The following NAT10 variants were observed in gnomAD, a reference collection of about 807,000 sequenced individuals.
NAT10 encodes RNA cytidine acetyltransferase.
In NAT10, 109 loss-of-function variants were observed where a neutral mutation model predicts 132.2. The ratio of observed to expected loss-of-function variants is 0.82; its 90% CI spans 0.71 to 0.97. NAT10 has a LOEUF of 0.97. Ranked by LOEUF, NAT10 falls within the 50% of genes least tolerant of loss-of-function variation. NAT10 has a pLI of 0.00. For synonymous variants in NAT10, 479 were observed against 478.0 expected (o/e 1.00, Z -0.03); for missense variants, 1,184 against 1,263.4 (o/e 0.94, Z 0.95).
chr11:34,112,205 C>A lies in NAT10; in HGVS notation c.354C>A (p.Phe118Leu). The change falls in exon 4 of 29, where the codon TTC (phenylalanine) becomes TTA (leucine). Residue 118 changes from phenylalanine to leucine, a missense_variant. By Grantham distance (22) the Phe-to-Leu change is conservative. Coordinates refer to ENST00000257829, the MANE Select transcript of NAT10 (RefSeq NM_024662.3). The part of the protein sequence containing the change: ...NETHKILGNT[F>L]GMCVLQDFEA... ...CCCACAAGATCCTGGGCAATACCTT[C>A]GGCATGTGTGTGCTGCAGGTGGGTG... 1 of 1,614,232 alleles carries A rather than the reference C, an allele frequency of 6.2e-7. No homozygotes were observed. Among genetic ancestry groups the A allele is most frequent in the Non-Finnish European group, 8.5e-7 (1 of 1,180,036 alleles).
At chr11:34,141,249 T>C (rs1852323146) in intron 25 of NAT10, 41 bp downstream of exon 25, 1 of 1,611,878 alleles carries the variant, frequency 6.2e-7, no homozygotes, top group Non-Finnish European at 8.5e-7. Context: ...GTCTCTCAAA[T>C]AGTGCAACAA....
At chr11:34,136,455 T>C (rs1324092366) in intron 19 of NAT10, among the ~76,000 whole-genome samples, 187 bp from the exon 20 acceptor site, 1 of 152,230 alleles carries the variant, frequency 6.6e-6, no homozygotes, top group Non-Finnish European at 1.5e-5. Context: ...ATTCTATGCA[T>C]GTTGAGGTGT....
At chr11:34,120,061 G>A (rs1851861929) in intron 8 of NAT10, among the ~76,000 whole-genome samples, 1 of 151,190 alleles carries the variant, frequency 6.6e-6, no homozygotes, top group African/African-American at 2.4e-5. Context: ...TTGTGTTGCT[G>A]CTTTAATTAG....
At position 34,118,303 on chromosome 11, in the gene NAT10, G is replaced by A. The variant is rs1851820330; in HGVS notation, c.672+9G>A. The A allele has an allele frequency of 1.2e-6, 2 of 1,613,410 alleles. No individual in the cohort carries two copies. The highest frequency in any genetic ancestry group is 2.2e-5 in the East Asian group (1 of 44,874). ...TGCCTCCCCAGACTCCGGTGAGTCTGTGCTGGGGTCCAGGAATCTGGGGGA... is the reference window on the plus strand; with the variant it reads ...TGCCTCCCCAGACTCCGGTGAGTCTATGCTGGGGTCCAGGAATCTGGGGGA... On this transcript the variant is annotated intron_variant, in intron 7 of 28. Transcript: ENST00000257829.
At chr11:34,122,690 C>A in intron 9 of NAT10, 98 bp downstream of exon 9, 1 of 1,463,504 alleles carries the variant, frequency 6.8e-7, no homozygotes, top group South Asian at 1.2e-5. Flanking sequence ...GTTCCTAGTT[C>A]TGAGTTCTGA....
intron 12 of NAT10, among the ~76,000 whole-genome samples, chr11:34,129,011 A>G (rs558319306): frequency 6.6e-6 from 1 of 152,350 alleles, no homozygotes; most frequent in African/African-American, 2.4e-5. Flanking sequence ...ATTCTATTGT[A>G]TAGATATACC....
At chr11:34,145,111 G>A (rs1011405785) in intron 28 of NAT10, among the ~76,000 whole-genome samples, 5 of 152,210 alleles carry the variant, frequency 3.3e-5, no homozygotes, top group Admixed American at 2.0e-4. Context: ...CCTTGAGCAC[G>A]GTGGCTTTGA....
At chr11:34,130,523 T>A (rs1353060963) in intron 12 of NAT10, among the ~76,000 whole-genome samples, 3 of 152,252 alleles carry the variant, frequency 2.0e-5, no homozygotes, top group Admixed American at 2.0e-4. Flanking sequence ...GTGTATAGAA[T>A]AATCCCCTCT....
At chr11:34,142,573 C>T (rs1852356461) in intron 27 of NAT10, among the ~76,000 whole-genome samples, 1 of 152,206 alleles carries the variant, frequency 6.6e-6, no homozygotes, top group Admixed American at 6.5e-5. Context: ...ACACATTGCA[C>T]TCTCTGATCC....
chr11:34,112,884 A>G (rs552988856), intron 4 of NAT10, among the ~76,000 whole-genome samples: 8 of 152,176 alleles, frequency 5.3e-5, no homozygotes, highest in South Asian at 4.1e-4. Flanking sequence ...CATTCTCCCA[A>G]AAAAGACAAG....
chr11:34,135,763 G>C (rs760212302), intron 19 of NAT10, among the ~76,000 whole-genome samples: 13 of 152,136 alleles, frequency 8.5e-5, no homozygotes, highest in Non-Finnish European at 1.0e-4. Context: ...TATTTAAGTT[G>C]AGGCAGCTGG....
At chr11:34,137,101 G>C (rs375301299) in intron 21 of NAT10, 75 bp downstream of exon 21, 1 of 1,495,446 alleles carries the variant, frequency 6.7e-7, no homozygotes, top group East Asian at 2.3e-5. Context: ...CTTGCAAAGA[G>C]CCCTAGTGCC....
At chr11:34,116,248 C>T (rs1015172817) in intron 6 of NAT10, among the ~76,000 whole-genome samples, 3 of 151,858 alleles carry the variant, frequency 2.0e-5, no homozygotes, top group African/African-American at 7.3e-5. Flanking sequence ...ATGAATATGA[C>T]GTACTGGCAT....
At chr11:34,137,140 C>T in intron 21 of NAT10, 114 bp downstream of exon 21, 2 of 1,156,366 alleles carry the variant, frequency 1.7e-6, no homozygotes, top group Admixed American at 1.9e-5. Context: ...GAGCAGGTGG[C>T]TGTGCCTCTG....
chr11:34,111,423 C>G (rs1040540380), intron 3 of NAT10, among the ~76,000 whole-genome samples: 1 of 152,202 alleles, frequency 6.6e-6, no homozygotes. Context: ...CATTCTAGAA[C>G]ATTCTAATTC....
At chr11:34,139,598 G>A (rs1039098908) in intron 23 of NAT10, 103 bp downstream of exon 23, 5 of 996,088 alleles carry the variant, frequency 5.0e-6, no homozygotes, top group South Asian at 2.8e-5. Flanking sequence ...TGAGGGACTG[G>A]TTCTAGCCTG....
chr11:34,133,875 A>G (rs568461912), intron 16 of NAT10, among the ~76,000 whole-genome samples: 11 of 152,072 alleles, frequency 7.2e-5, no homozygotes, highest in South Asian at 2.1e-4. Flanking sequence ...GTGTCAGGCC[A>G]GGCGCCATGG....
At chr11:34,145,889 T>C (rs902090821) in intron 28 of NAT10, among the ~76,000 whole-genome samples, 195 bp from the exon 29 acceptor site, 8 of 152,142 alleles carry the variant, frequency 5.3e-5, no homozygotes, top group Non-Finnish European at 1.0e-4. Flanking sequence ...AGCTGGTCTG[T>C]ATGGTGTGTC....
chr11:34,118,356 G>A, intron 7 of NAT10, 40 bp from the exon 8 acceptor site: 1 of 1,610,832 alleles, frequency 6.2e-7, no homozygotes, highest in Non-Finnish European at 8.5e-7. Flanking sequence ...TGTTCCTCCT[G>A]TGACAGTGAC....
Sources: allele counts gnomAD v4.1 joint callset (sites outside exome capture counted in the v4.1 genomes callset), GRCh38; gene constraint gnomAD v4.1.1; transcripts MANE v1.5; gene names NCBI Gene and HGNC (gene_info 2026-07-23, HGNC 2026-07-21).